The following MBNL1 variants were observed in gnomAD, a reference collection of about 807,000 sequenced individuals.
MBNL1 encodes muscleblind like splicing regulator 1, also known as muscleblind-like protein 1.
In MBNL1, 8 loss-of-function variants were observed where a neutral mutation model predicts 42.2. That is an observed-to-expected ratio of 0.19 (90% CI 0.11 to 0.34). The LOEUF (loss-of-function observed/expected upper bound fraction) is 0.34. Ranked by LOEUF, MBNL1 falls within the 10% of genes least tolerant of loss-of-function variation. The probability of loss-of-function intolerance (pLI) is 1.00; values close to 1 mark genes in which losing one functional copy is unlikely to be tolerated. For synonymous variants in MBNL1, 169 were observed against 173.9 expected (o/e 0.97, Z 0.22); for missense variants, 309 against 495.3 (o/e 0.62, Z 3.57).
intron 1 of MBNL1, among the ~76,000 whole-genome samples, chr3:152,274,630 A>C (rs2043826067): frequency 6.6e-6 from 1 of 152,192 alleles, no homozygotes; most frequent in Non-Finnish European, 1.5e-5. Context: ...TTAACGCAGT[A>C]TTCTATTCAG....
intron 2 of MBNL1, chr3:152,339,886 A>G (rs1349093897): frequency 6.6e-6 from 1 of 152,200 alleles, no homozygotes; most frequent in African/African-American, 2.4e-5. Context: ...GAGCAAAAGA[A>G]CAGATACCCT....
At chr3:152,453,179 T>C (rs1334705132) in intron 6 of MBNL1, among the ~76,000 whole-genome samples, 3 of 152,166 alleles carry the variant, frequency 2.0e-5, no homozygotes, top group Non-Finnish European at 2.9e-5. Context: ...AGCCTAATAC[T>C]TCTTATAATC....
intron 2 of MBNL1, among the ~76,000 whole-genome samples, chr3:152,315,718 A>T (rs1422680082): frequency 6.6e-6 from 1 of 152,166 alleles, no homozygotes; most frequent in Non-Finnish European, 1.5e-5. Context: ...TTGTTTTAGC[A>T]GCTCAGTTGG....
At chr3:152,286,530 A>T (rs1251551170) in intron 1 of MBNL1, among the ~76,000 whole-genome samples, 3 of 141,604 alleles carry the variant, frequency 2.1e-5, no homozygotes. Flanking sequence ...TATAATATAA[A>T]TATATTTTAT....
intron 3 of MBNL1, among the ~76,000 whole-genome samples, chr3:152,422,738 A>C (rs926743823): frequency 5.3e-5 from 8 of 152,230 alleles, no homozygotes; most frequent in Non-Finnish European, 7.3e-5. Context: ...AACAGATATC[A>C]TAAACAGTCT....
At chr3:152,289,576 TTTG>T (rs895560352) in intron 1 of MBNL1, among the ~76,000 whole-genome samples, 86 of 152,204 alleles carry the variant, frequency 5.7e-4, no homozygotes, top group African/African-American at 1.9e-3. Context: ...CATATGTGAA[TTTG>T]TTATTTTTTT....
intron 2 of MBNL1, among the ~76,000 whole-genome samples, chr3:152,365,674 T>G (rs1244726424): frequency 6.6e-6 from 1 of 152,162 alleles, no homozygotes; most frequent in Non-Finnish European, 1.5e-5. Flanking sequence ...GAACAGTTTG[T>G]GTACAACTGA....
chr3:152,391,269 T>G (rs997848729), intron 2 of MBNL1, among the ~76,000 whole-genome samples: 1 of 152,246 alleles, frequency 6.6e-6, no homozygotes, highest in East Asian at 1.9e-4. Flanking sequence ...ATATTACACA[T>G]TAAGTTGCCC....
At chr3:152,277,478 T>C (rs2045922163) in intron 1 of MBNL1, among the ~76,000 whole-genome samples, 1 of 152,132 alleles carries the variant, frequency 6.6e-6, no homozygotes, top group African/African-American at 2.4e-5. Context: ...CTTGCTATTT[T>C]AGGGAAGGTA....
At chr3:152,397,933 A>T (rs1206320694) in intron 2 of MBNL1, among the ~76,000 whole-genome samples, 1 of 152,182 alleles carries the variant, frequency 6.6e-6, no homozygotes, top group African/African-American at 2.4e-5. Flanking sequence ...ACTCTTTCAG[A>T]GATTATTATT....
At chr3:152,255,732 GA>G (rs983563480) in intron 2 of MBNL1, among the ~76,000 whole-genome samples, 2 of 152,106 alleles carry the variant, frequency 1.3e-5, no homozygotes, top group Non-Finnish European at 2.9e-5. Context: ...ATAGTAAAAG[GA>G]TAAAGAGAAG....
chr3:152,246,535 T>C (rs1211530624), intron 2 of MBNL1, among the ~76,000 whole-genome samples: 1 of 151,550 alleles, frequency 6.6e-6, no homozygotes, highest in Non-Finnish European at 1.5e-5. Flanking sequence ...TTAACAAATA[T>C]TTAATATTAA....
At chr3:152,445,596 C>T in intron 5 of MBNL1, 57 bp downstream of exon 5, 1 of 1,517,520 alleles carries the variant, frequency 6.6e-7, no homozygotes, top group Non-Finnish European at 8.9e-7. Flanking sequence ...AAGTGAGCAA[C>T]TATATCTGAC....
At chr3:152,256,973 C>T (rs996368840) in intron 2 of MBNL1, among the ~76,000 whole-genome samples, 3 of 152,064 alleles carry the variant, frequency 2.0e-5, no homozygotes, top group Non-Finnish European at 4.4e-5. Context: ...TTTGAGTGCT[C>T]CTGGCAACCT....
intron 2 of MBNL1, among the ~76,000 whole-genome samples, chr3:152,354,793 G>A (rs1389827305): frequency 6.6e-6 from 1 of 152,116 alleles, no homozygotes; most frequent in Non-Finnish European, 1.5e-5. Flanking sequence ...GTTACTTAAT[G>A]TCAGTTTTAT....
At chr3:152,379,829 T>G (rs990650040) in intron 2 of MBNL1, among the ~76,000 whole-genome samples, 7 of 152,114 alleles carry the variant, frequency 4.6e-5, no homozygotes, top group African/African-American at 1.2e-4. Flanking sequence ...GGTTAAGCTT[T>G]TCCGCCTCTG....
chr3:152,269,532 G>T, intron 1 of MBNL1: 1 of 455,252 alleles, frequency 2.2e-6, no homozygotes, highest in South Asian at 1.6e-5. Flanking sequence ...CTGCCATCCC[G>T]CCCGGTTTTC....
intron 1 of MBNL1, among the ~76,000 whole-genome samples, chr3:152,281,196 G>A (rs1421735075): frequency 1.3e-5 from 2 of 152,168 alleles, no homozygotes; most frequent in Admixed American, 1.3e-4. Context: ...CAAGTGAGAA[G>A]ATTGAGGCTT....
At chr3:152,363,234 A>G (rs1285532200) in intron 2 of MBNL1, among the ~76,000 whole-genome samples, 2 of 152,138 alleles carry the variant, frequency 1.3e-5, no homozygotes, top group African/African-American at 4.8e-5. Flanking sequence ...TTCAAATGGT[A>G]TTACTAGCAT....
Sources: allele counts gnomAD v4.1 joint callset (sites outside exome capture counted in the v4.1 genomes callset), GRCh38; gene constraint gnomAD v4.1.1; transcripts MANE v1.5; gene names NCBI Gene and HGNC (gene_info 2026-07-23, HGNC 2026-07-21).